Variants in FAM120A observed in about 807,000 individuals in gnomAD.
FAM120A encodes constitutive coactivator of PPAR-gamma-like protein 1.
Under a neutral mutation model 109.7 loss-of-function variants are expected in FAM120A, and 15 were observed. The ratio of observed to expected loss-of-function variants is 0.14; its 90% CI spans 0.09 to 0.21. The LOEUF (loss-of-function observed/expected upper bound fraction) is 0.21. Ranked by LOEUF, FAM120A falls within the 10% of genes least tolerant of loss-of-function variation. The pLI is 1.00. For missense variants in FAM120A, 899 were observed against 1,439.3 expected (o/e 0.62, Z 6.07); for synonymous variants, 493 against 572.8 (o/e 0.86, Z 1.99).
At position 93,506,594 on chromosome 9, in the gene FAM120A, T is replaced by A. The variant is rs1257318218; in HGVS notation, c.1030+7708T>A. ...GTGACTTAGGGCATGATTTTTTTTT[T>A]TCTTCTTTTTTTTTTGTTTTCAAGA... On this transcript the variant is annotated intron_variant, in intron 5 of 17. Coordinates refer to ENST00000277165, the MANE Select transcript of FAM120A (RefSeq NM_014612.5). Among the ~76,000 whole-genome samples the A allele has an allele frequency of 2.0e-5, 3 of 151,946 alleles. No individual in the cohort carries two copies. In the East Asian group the frequency reaches 5.8e-4, roughly 29 times the overall value.
At chr9:93,552,907 T>C (rs1279874040) in intron 12 of FAM120A, among the ~76,000 whole-genome samples, 4 of 152,324 alleles carry the variant, frequency 2.6e-5, no homozygotes, top group Admixed American at 6.5e-5. Context: ...ACTCTGTGGT[T>C]GGCCATCAGA....
intron 3 of FAM120A, among the ~76,000 whole-genome samples, chr9:93,488,702 C>T (rs181899853): frequency 1.3e-5 from 2 of 152,146 alleles, no homozygotes; most frequent in Non-Finnish European, 2.9e-5. Flanking sequence ...GTACCACCAC[C>T]GACCCTGCCA....
At chr9:93,465,044 T>C (rs1857956344) in intron 1 of FAM120A, among the ~76,000 whole-genome samples, 1 of 152,112 alleles carries the variant, frequency 6.6e-6, no homozygotes, top group African/African-American at 2.4e-5. Flanking sequence ...TAGCTTAGTA[T>C]AGGAGAAGGG....
chr9:93,451,774 G>C lies in FAM120A; in HGVS notation c.-142G>C. ...GCGGCAGCACATGGCGGCCGCGGCG[G>C]CCATGAGCGCGCCCCCGACCCGCCC... On this transcript the variant is annotated 5_prime_UTR_variant, in exon 1 of 18. Coordinates refer to ENST00000277165, the MANE Select transcript of FAM120A (RefSeq NM_014612.5). The C allele has an allele frequency of 1.0e-6, 1 of 981,150 alleles. No homozygotes were observed. The highest frequency in any genetic ancestry group is 4.5e-5 in the South Asian group (1 of 22,076). 60.8% of individuals were successfully genotyped at this position (981,150 alleles called of 1,614,324 possible).
At chr9:93,531,195 T>C (rs940811447) in intron 9 of FAM120A, 2 of 152,154 alleles carry the variant, frequency 1.3e-5, no homozygotes, top group African/African-American at 4.8e-5. Flanking sequence ...GATGAGAGTG[T>C]TAGAACACAT....
chr9:93,489,706 A>AT (rs1859229696), intron 3 of FAM120A, among the ~76,000 whole-genome samples: 1 of 152,260 alleles, frequency 6.6e-6, no homozygotes, highest in Admixed American at 6.5e-5. Flanking sequence ...AAATGTGTAC[A>AT]GAATACTCAT....
chr9:93,490,402 A>G (rs771512621), intron 3 of FAM120A, among the ~76,000 whole-genome samples: 2 of 152,234 alleles, frequency 1.3e-5, no homozygotes, highest in Non-Finnish European at 2.9e-5. Context: ...TGGATTTTAG[A>G]GATTAGGTCA....
At chr9:93,471,814 A>G (rs80034842) in intron 2 of FAM120A, among the ~76,000 whole-genome samples, 1,660 of 152,334 alleles carry the variant, frequency 0.011, 36 homozygotes, top group African/African-American at 0.037. Flanking sequence ...CACTACTTTA[A>G]AAGAGAAACA....
rs1277358742 is a variant in FAM120A, at chr9:93,451,806, C to G, written c.-110C>G. On this transcript the variant is annotated 5_prime_UTR_variant, in exon 1 of 18. Coordinates refer to ENST00000277165, the MANE Select transcript of FAM120A (RefSeq NM_014612.5). Reference sequence around the variant, plus strand: ...GCGCGCCCCCGACCCGCCCCAGTCCCCCCTAGAGGCCGCCGCCCCCGCCCG... The same window carrying G: ...GCGCGCCCCCGACCCGCCCCAGTCCGCCCTAGAGGCCGCCGCCCCCGCCCG... 1 of 973,804 alleles carries G rather than the reference C, an allele frequency of 1.0e-6. No individual in the cohort carries two copies. Among genetic ancestry groups the G allele is most frequent in the Non-Finnish European group, 1.2e-6 (1 of 822,740 alleles). 60.3% of individuals were successfully genotyped at this position (973,804 alleles called of 1,614,324 possible). A position where few individuals can be genotyped will look rare whatever the true frequency, so the allele number is the denominator to read the frequency against.
intron 12 of FAM120A, among the ~76,000 whole-genome samples, chr9:93,551,015 G>T (rs1001975352): frequency 2.6e-5 from 4 of 152,058 alleles, no homozygotes; most frequent in Non-Finnish European, 5.9e-5. Flanking sequence ...TTTTAGGGGG[G>T]GATTCCAAAC....
intron 5 of FAM120A, among the ~76,000 whole-genome samples, chr9:93,502,156 G>A (rs969282951): frequency 2.6e-5 from 4 of 152,096 alleles, no homozygotes; most frequent in Admixed American, 2.0e-4. Context: ...AACCAATGTG[G>A]GGATATTAGT....
intron 7 of FAM120A, among the ~76,000 whole-genome samples, chr9:93,521,038 A>G (rs999154610): frequency 2.6e-5 from 4 of 152,072 alleles, no homozygotes; most frequent in Non-Finnish European, 5.9e-5. Flanking sequence ...GGGCTATGTT[A>G]CTCTTTTGAA....
At chr9:93,485,984 AAAAAG>A (rs1039537043) in intron 3 of FAM120A, among the ~76,000 whole-genome samples, 14 of 152,210 alleles carry the variant, frequency 9.2e-5, no homozygotes, top group East Asian at 5.8e-4. Flanking sequence ...CTTTTTTAAA[AAAAAG>A]AAAAGAAAAG....
chr9:93,531,305 A>G (rs1330562321), intron 9 of FAM120A: 1 of 152,236 alleles, frequency 6.6e-6, no homozygotes, highest in East Asian at 1.9e-4. Context: ...AAATATTACA[A>G]AATTATTATT....
At chr9:93,529,872 CT>C in intron 9 of FAM120A, 1 of 548,732 alleles carries the variant, frequency 1.8e-6, no homozygotes, top group East Asian at 3.0e-5. Flanking sequence ...TAATTTTATT[CT>C]TTTTACTTCA....
chr9:93,501,755 T>C (rs1051349098), intron 5 of FAM120A, among the ~76,000 whole-genome samples: 4 of 152,144 alleles, frequency 2.6e-5, no homozygotes, highest in African/African-American at 9.7e-5. Flanking sequence ...TCAGGCAAGA[T>C]TGGGAAGGAC....
At position 93,532,851 on chromosome 9, in the gene FAM120A, C is replaced by T. The variant is rs768816849; in HGVS notation, c.1909+522C>T. On this transcript the variant is annotated intron_variant, in intron 10 of 17. Transcript: ENST00000277165. The surrounding 1 kb of genome is among the most constrained non-coding windows in gnomAD (Gnocchi z 4.3). ...GTCGCAGGATTGTGATGATTTGTCT[C>T]GGAATCCTCTGAGACCTGTGCACTT... Among the ~76,000 whole-genome samples, 6 of 152,154 alleles carry T rather than the reference C, an allele frequency of 3.9e-5. No homozygotes were observed. Among genetic ancestry groups the T allele is most frequent in the African/African-American group, 7.2e-5 (3 of 41,430 alleles).
intron 1 of FAM120A, chr9:93,453,188 A>T: frequency 2.0e-6 from 2 of 1,002,730 alleles, no homozygotes; most frequent in Non-Finnish European, 2.4e-6. Flanking sequence ...GTGAACTCGC[A>T]GGATTTATTT....
At chr9:93,463,443 G>A (rs1243197888) in intron 1 of FAM120A, among the ~76,000 whole-genome samples, 2 of 152,152 alleles carry the variant, frequency 1.3e-5, no homozygotes, top group Non-Finnish European at 2.9e-5. Flanking sequence ...CTTTTTAGAG[G>A]CATTGCTGCT....
Sources: allele counts gnomAD v4.1 joint callset (sites outside exome capture counted in the v4.1 genomes callset), GRCh38; gene constraint gnomAD v4.1.1; non-coding constraint Gnocchi (gnomAD v3.1); transcripts MANE v1.5; gene names NCBI Gene and HGNC (gene_info 2026-07-23, HGNC 2026-07-21).